TASP1: variants seen among roughly 807,000 people sequenced by gnomAD.
The protein encoded by TASP1 is taspase 1.
TASP1 carries 16 observed loss-of-function variants against 56.6 expected under a neutral mutation model. That is an observed-to-expected ratio of 0.28 (90% CI 0.19 to 0.43). The LOEUF is 0.43. TASP1 is among the 20% of genes least tolerant of loss of function. The pLI, the probability that TASP1 is intolerant of heterozygous loss-of-function variation, is 1.00. For missense variants in TASP1, 393 were observed against 511.6 expected (o/e 0.77, Z 2.24); for synonymous variants, 179 against 184.2 (o/e 0.97, Z 0.23).
intron 10 of TASP1, among the ~76,000 whole-genome samples, chr20:13,516,264 A>G (rs2044528140): frequency 6.6e-6 from 1 of 152,108 alleles, no homozygotes; most frequent in African/African-American, 2.4e-5. Context: ...GAGTCCAGCA[A>G]GGGCCATGAA....
At chr20:13,237,052 G>A in the TASP1 span, among the ~76,000 whole-genome samples, 3 of 152,292 alleles carry the variant, frequency 2.0e-5, no homozygotes, top group Admixed American at 6.5e-5. Flanking sequence ...TCTGTGTGGG[G>A]GCTCCGGTCC....
At chr20:13,125,477 T>C in the TASP1 span, among the ~76,000 whole-genome samples, 1 of 152,216 alleles carries the variant, frequency 6.6e-6, no homozygotes, top group East Asian at 1.9e-4. Context: ...GTTTTTGCTG[T>C]GTAACAAACC....
At chr20:13,416,667 T>C (rs951812794) in intron 13 of TASP1, among the ~76,000 whole-genome samples, 5 of 152,202 alleles carry the variant, frequency 3.3e-5, no homozygotes, top group African/African-American at 9.7e-5. Context: ...GCTGCACAAC[T>C]TCACAGCTTT....
At chr20:13,592,077 T>C (rs931614117) in intron 4 of TASP1, among the ~76,000 whole-genome samples, 1 of 151,992 alleles carries the variant, frequency 6.6e-6, no homozygotes, top group African/African-American at 2.4e-5. Context: ...AACGAGATGA[T>C]TGCTTTATAT....
intron 10 of TASP1, among the ~76,000 whole-genome samples, chr20:13,491,024 A>AT (rs1021108021): frequency 6.6e-6 from 1 of 152,174 alleles, no homozygotes; most frequent in African/African-American, 2.4e-5. Context: ...TATTAAAGTG[A>AT]TTCTCAGCTA....
chr20:13,328,153 T>C, the TASP1 span, among the ~76,000 whole-genome samples: 1 of 152,104 alleles, frequency 6.6e-6, no homozygotes, highest in Non-Finnish European at 1.5e-5. Flanking sequence ...GCAAAGGACA[T>C]GAACAGACAC....
At chr20:13,272,509 G>A in the TASP1 span, among the ~76,000 whole-genome samples, 8 of 152,232 alleles carry the variant, frequency 5.3e-5, no homozygotes, top group African/African-American at 1.9e-4. Context: ...GAAAAGCACT[G>A]TGTCCCAAGG....
At chr20:13,591,097 A>G (rs546607188) in intron 4 of TASP1, among the ~76,000 whole-genome samples, 365 of 152,152 alleles carry the variant, frequency 2.4e-3, no homozygotes, top group Non-Finnish European at 3.9e-3. Context: ...AGAAAAAAAC[A>G]GTACTGGAGA....
chr20:13,139,497 A>G, the TASP1 span, among the ~76,000 whole-genome samples: 1 of 152,216 alleles, frequency 6.6e-6, no homozygotes, highest in Admixed American at 6.5e-5. Flanking sequence ...TCCAGCTTCA[A>G]TGTACGGTTT....
intron 10 of TASP1, among the ~76,000 whole-genome samples, chr20:13,484,116 C>T (rs2043237680): frequency 6.6e-6 from 1 of 152,190 alleles, no homozygotes; most frequent in Non-Finnish European, 1.5e-5. Flanking sequence ...GATACCATCT[C>T]ACACCAGATA....
chr20:13,117,510 G>C, the TASP1 span: 1 of 1,586,572 alleles, frequency 6.3e-7, no homozygotes, highest in Admixed American at 1.8e-5. Flanking sequence ...CCCTAGCATG[G>C]AAGGTTCCAT....
chr20:13,499,147 A>C (rs1026228180), intron 10 of TASP1, among the ~76,000 whole-genome samples: 1 of 152,216 alleles, frequency 6.6e-6, no homozygotes, highest in African/African-American at 2.4e-5. Context: ...GAATGAAAAT[A>C]TGTCCTTCGC....
At chr20:13,216,190 C>T in the TASP1 span, among the ~76,000 whole-genome samples, 1 of 152,192 alleles carries the variant, frequency 6.6e-6, no homozygotes, top group African/African-American at 2.4e-5. Context: ...AGACAGAGAC[C>T]TAGAATGACT....
the TASP1 span, among the ~76,000 whole-genome samples, chr20:13,355,497 G>A: frequency 2.0e-4 from 30 of 152,260 alleles, no homozygotes; most frequent in African/African-American, 6.3e-4. Flanking sequence ...GGCTCAGCTC[G>A]CAATACTAAA....
At position 13,514,373 on chromosome 20, in the gene TASP1, T is replaced by C. The variant is rs921140708; in HGVS notation, c.874+14060A>G. 2.6e-5 allele frequency among the ~76,000 whole-genome samples: 4 copies of C among 152,222 alleles called. 1 individual carries two copies. In the East Asian group the frequency reaches 7.7e-4, roughly 29 times the overall value. On this transcript the variant is annotated intron_variant, in intron 10 of 13. Coordinates refer to ENST00000337743, the MANE Select transcript of TASP1 (RefSeq NM_017714.3). ...TCCTCAGCATTATTAAACACAGCCA[T>C]AACAGAGTCCCGACTAACAGGAAAT...
intron 11 of TASP1, among the ~76,000 whole-genome samples, chr20:13,449,973 C>T (rs1301356680): frequency 6.6e-6 from 1 of 152,012 alleles, no homozygotes; most frequent in Admixed American, 6.6e-5. Flanking sequence ...TAAAGGCATA[C>T]CTTGAAGATA....
the TASP1 span, among the ~76,000 whole-genome samples, chr20:13,174,207 T>A: frequency 6.6e-6 from 1 of 152,174 alleles, no homozygotes; most frequent in Admixed American, 6.5e-5. Context: ...AAATTATTGT[T>A]CATCACATCC....
chr20:13,575,545 G>C (rs1337112435), intron 6 of TASP1, among the ~76,000 whole-genome samples: 1 of 152,190 alleles, frequency 6.6e-6, no homozygotes, highest in African/African-American at 2.4e-5. Flanking sequence ...TGCCATGATT[G>C]TGAGGCTTCG....
chr20:13,474,900 T>C (rs1386688863), intron 11 of TASP1, among the ~76,000 whole-genome samples: 2 of 152,204 alleles, frequency 1.3e-5, no homozygotes, highest in Admixed American at 1.3e-4. Flanking sequence ...TATTGAGCAT[T>C]TTTTTCATGT....
Sources: allele counts gnomAD v4.1 joint callset (sites outside exome capture counted in the v4.1 genomes callset), GRCh38; gene constraint gnomAD v4.1.1; transcripts MANE v1.5; gene names NCBI Gene and HGNC (gene_info 2026-07-23, HGNC 2026-07-21).